Variants in ATRNL1 observed in about 807,000 individuals in gnomAD.
ATRNL1 encodes the protein attractin like 1.
Under a neutral mutation model 182.7 loss-of-function variants are expected in ATRNL1, and 95 were observed. That is an observed-to-expected ratio of 0.52 (90% CI 0.44 to 0.62). The LOEUF is 0.62. Ranked by LOEUF, ATRNL1 falls within the 20% of genes least tolerant of loss-of-function variation. The probability of loss-of-function intolerance (pLI) is 0.00; values close to 1 mark genes in which losing one functional copy is unlikely to be tolerated. For missense variants in ATRNL1, 1,471 were observed against 1,679.5 expected (o/e 0.88, Z 2.17); for synonymous variants, 576 against 568.3 (o/e 1.01, Z -0.19).
chr10:115,558,069 A>C (rs559743877), intron 26 of ATRNL1, among the ~76,000 whole-genome samples: 67 of 151,272 alleles, frequency 4.4e-4, no homozygotes, highest in African/African-American at 7.1e-4. Context: ...AAAAAACAAA[A>C]AAAAAAAACC....
chr10:115,751,822 C>T (rs1555070706), intron 27 of ATRNL1, among the ~76,000 whole-genome samples: 3 of 152,058 alleles, frequency 2.0e-5, no homozygotes, highest in East Asian at 1.9e-4. Flanking sequence ...TATAAGTATA[C>T]CTTTACCTAC....
At chr10:115,714,386 C>T (rs537093096) in intron 26 of ATRNL1, among the ~76,000 whole-genome samples, 2 of 152,150 alleles carry the variant, frequency 1.3e-5, no homozygotes, top group East Asian at 3.9e-4. Flanking sequence ...CCCCATCTCA[C>T]CAATTGACTC....
At chr10:115,120,342 C>A in intron 2 of ATRNL1, 74 bp downstream of exon 2, 2 of 757,792 alleles carry the variant, frequency 2.6e-6, no homozygotes, top group Non-Finnish European at 2.1e-6. Context: ...AATGTCAGAG[C>A]ATTAGAGTAT....
chr10:115,918,226 G>T lies in ATRNL1; in HGVS notation c.4019-26432G>T, dbSNP rs139715134. On this transcript the variant is annotated intron_variant, in intron 28 of 28. Coordinates refer to ENST00000355044, the MANE Select transcript of ATRNL1 (RefSeq NM_207303.4). ...AGAGGTTCTCTTGCCTCAGCCCCCCGAGTAACTGGGATTACAAGCGTGCAC... is the reference window on the plus strand; with the variant it reads ...AGAGGTTCTCTTGCCTCAGCCCCCCTAGTAACTGGGATTACAAGCGTGCAC... Among the ~76,000 whole-genome samples the T allele has an allele frequency of 8.1e-4, 121 of 149,762 alleles. 2 individuals are homozygous for T. In the East Asian group the frequency reaches 0.01, roughly 13 times the overall value.
chr10:115,611,776 G>T (rs1170164727), intron 26 of ATRNL1, among the ~76,000 whole-genome samples: 2 of 152,002 alleles, frequency 1.3e-5, no homozygotes, highest in African/African-American at 4.8e-5. Flanking sequence ...AAAAAATCAA[G>T]GCCAGTAATG....
intron 26 of ATRNL1, among the ~76,000 whole-genome samples, chr10:115,553,213 A>G (rs1286965647): frequency 2.0e-5 from 3 of 151,202 alleles, no homozygotes; most frequent in African/African-American, 7.2e-5. Flanking sequence ...ACAAGAAGTT[A>G]ATTTTTTTCC....
intron 19 of ATRNL1, among the ~76,000 whole-genome samples, chr10:115,374,166 A>G (rs1857536839): frequency 1.3e-5 from 2 of 151,810 alleles, no homozygotes; most frequent in Admixed American, 6.6e-5. Flanking sequence ...AATTGTGCAT[A>G]GTAGTCTCAT....
chr10:115,422,404 A>C (rs782531063), intron 20 of ATRNL1, among the ~76,000 whole-genome samples: 22 of 152,226 alleles, frequency 1.4e-4, no homozygotes, highest in Non-Finnish European at 3.1e-4. Context: ...TTTTCAGAAG[A>C]AGACATACAT....
At chr10:115,321,464 T>A (rs1854580830) in intron 18 of ATRNL1, among the ~76,000 whole-genome samples, 1 of 152,146 alleles carries the variant, frequency 6.6e-6, no homozygotes, top group African/African-American at 2.4e-5. Flanking sequence ...TAGTTTTCTG[T>A]AGTGGTAGCA....
At chr10:115,907,066 C>G (rs1952525811) in intron 28 of ATRNL1, among the ~76,000 whole-genome samples, 1 of 151,908 alleles carries the variant, frequency 6.6e-6, no homozygotes, top group African/African-American at 2.4e-5. Context: ...GTTATTATCC[C>G]CATTTCCTAG....
intron 13 of ATRNL1, among the ~76,000 whole-genome samples, chr10:115,271,265 T>C (rs1268769895): frequency 1.3e-5 from 2 of 152,060 alleles, no homozygotes; most frequent in Non-Finnish European, 2.9e-5. Flanking sequence ...CATGTGGTTG[T>C]AGCTAATATT....
intron 26 of ATRNL1, among the ~76,000 whole-genome samples, chr10:115,656,195 G>T (rs1860320120): frequency 6.6e-6 from 1 of 152,062 alleles, no homozygotes. Context: ...ACTTTGTAAT[G>T]TCCCCTTTAT....
At chr10:115,320,142 T>C (rs528174861) in intron 18 of ATRNL1, among the ~76,000 whole-genome samples, 1 of 152,292 alleles carries the variant, frequency 6.6e-6, no homozygotes, top group East Asian at 1.9e-4. Context: ...TATTTCTCCT[T>C]TTCTTATTAA....
intron 6 of ATRNL1, among the ~76,000 whole-genome samples, chr10:115,160,530 T>C (rs1371871661): frequency 1 from 151,065 of 151,284 alleles, 75,423 homozygotes; most frequent in Middle Eastern, 1. Flanking sequence ...TCATGCCACT[T>C]TTTTTTTTTA....
intron 18 of ATRNL1, among the ~76,000 whole-genome samples, chr10:115,327,501 G>C (rs1393087061): frequency 1.3e-5 from 2 of 149,386 alleles, no homozygotes; most frequent in Admixed American, 6.7e-5. Flanking sequence ...CTGTAAACTA[G>C]TTCAACCATT....
intron 26 of ATRNL1, among the ~76,000 whole-genome samples, chr10:115,581,065 C>A (rs74158389): frequency 6.6e-6 from 1 of 151,954 alleles, no homozygotes; most frequent in African/African-American, 2.4e-5. Flanking sequence ...GTTTTTTATT[C>A]GGAGCATATT....
intron 15 of ATRNL1, among the ~76,000 whole-genome samples, chr10:115,292,729 G>T (rs1199824600): frequency 6.6e-6 from 1 of 151,926 alleles, no homozygotes; most frequent in Non-Finnish European, 1.5e-5. Flanking sequence ...AAGATAGTTG[G>T]TATGATTTTG....
intron 27 of ATRNL1, among the ~76,000 whole-genome samples, chr10:115,735,356 T>C (rs1432236990): frequency 2.0e-5 from 3 of 151,874 alleles, no homozygotes; most frequent in Admixed American, 1.3e-4. Context: ...CACTCACACA[T>C]TGTGTTCACG....
intron 19 of ATRNL1, among the ~76,000 whole-genome samples, chr10:115,339,601 A>G (rs1327425479): frequency 6.6e-6 from 1 of 152,030 alleles, no homozygotes; most frequent in Admixed American, 6.5e-5. Context: ...TAAGATTTTT[A>G]TGGAGTCTTT....
Sources: gnomAD v4.1 joint callset for allele counts (sites outside exome capture counted in the v4.1 genomes callset) on GRCh38, gnomAD v4.1.1 for gene constraint, MANE v1.5 for transcripts, NCBI Gene and HGNC (gene_info 2026-07-23, HGNC 2026-07-21) for gene names.